PTPRO: variants seen among roughly 807,000 people sequenced by gnomAD.
The protein encoded by PTPRO is receptor-type tyrosine-protein phosphatase O.
Under a neutral mutation model 145.2 loss-of-function variants are expected in PTPRO, and 62 were observed. The ratio of observed to expected loss-of-function variants is 0.43; its 90% CI spans 0.35 to 0.53. The LOEUF (loss-of-function observed/expected upper bound fraction) is 0.53, where lower values mean the gene tolerates loss of function less well. Among genes scored for constraint, PTPRO ranks in the 20% least tolerant of loss-of-function variants. The pLI is 0.01. For synonymous variants in PTPRO, 565 were observed against 514.7 expected (o/e 1.10, Z -1.32); for missense variants, 1,345 against 1,482.7 (o/e 0.91, Z 1.53).
chr12:15,581,377 T>C (rs940408405), intron 22 of PTPRO, among the ~76,000 whole-genome samples: 8 of 145,412 alleles, frequency 5.5e-5, no homozygotes, highest in African/African-American at 2.0e-4. Flanking sequence ...CTCAGCTCAC[T>C]GCAAACCTCT....
At chr12:15,437,657 G>T (rs1436089493) in intron 1 of PTPRO, among the ~76,000 whole-genome samples, 18 of 152,028 alleles carry the variant, frequency 1.2e-4, no homozygotes, top group Non-Finnish European at 2.5e-4. Context: ...AGATATTGGT[G>T]CAGGAAGGCC....
At chr12:15,358,832 T>A (rs1938081701) in intron 1 of PTPRO, among the ~76,000 whole-genome samples, 1 of 152,244 alleles carries the variant, frequency 6.6e-6, no homozygotes, top group African/African-American at 2.4e-5. Context: ...CGAAAGTTTG[T>A]CACTGTCAGA....
At chr12:15,592,131 A>T (rs1944566829) in intron 25 of PTPRO, among the ~76,000 whole-genome samples, 2 of 149,810 alleles carry the variant, frequency 1.3e-5, no homozygotes, top group Admixed American at 6.6e-5. Flanking sequence ...ATTTACCTTT[A>T]TTTTTTCCTT....
At chr12:15,388,256 C>CA (rs966424620) in intron 1 of PTPRO, among the ~76,000 whole-genome samples, 27 of 148,946 alleles carry the variant, frequency 1.8e-4, no homozygotes, top group East Asian at 3.9e-4. Context: ...TAAATTTTAC[C>CA]AAAAAAAAAT....
At chr12:15,367,042 CAGAA>C (rs1303846503) in intron 1 of PTPRO, among the ~76,000 whole-genome samples, 1 of 152,088 alleles carries the variant, frequency 6.6e-6, no homozygotes, top group Non-Finnish European at 1.5e-5. Flanking sequence ...TTGCAGTAAA[CAGAA>C]GGAAGTTATG....
intron 1 of PTPRO, among the ~76,000 whole-genome samples, chr12:15,355,965 G>A (rs1324512327): frequency 1.3e-5 from 2 of 152,204 alleles, no homozygotes; most frequent in Non-Finnish European, 2.9e-5. Flanking sequence ...GCATAAATAT[G>A]ACTGTGTACT....
At chr12:15,339,348 G>A (rs913894806) in intron 1 of PTPRO, among the ~76,000 whole-genome samples, 2 of 152,096 alleles carry the variant, frequency 1.3e-5, no homozygotes, top group African/African-American at 4.8e-5. Flanking sequence ...TTGGAAATGA[G>A]GTTGAAAAGG....
At chr12:15,504,304 T>C (rs1447586746) in intron 6 of PTPRO, among the ~76,000 whole-genome samples, 1 of 152,202 alleles carries the variant, frequency 6.6e-6, no homozygotes, top group East Asian at 1.9e-4. Flanking sequence ...ACTATTGTGA[T>C]AATTGAACAT....
chr12:15,551,542 T>C lies in PTPRO; in HGVS notation c.2438-9T>C, dbSNP rs762384240. 1.9e-6 allele frequency: 3 copies of C among 1,612,864 alleles called. No homozygotes were observed. The highest frequency in any genetic ancestry group is 1.1e-5 in the South Asian group (1 of 91,076). On this transcript the variant is annotated splice_polypyrimidine_tract_variant and intron_variant, in intron 14 of 26. Coordinates refer to ENST00000281171, the MANE Select transcript of PTPRO (RefSeq NM_030667.3). ...ACCTATGATGAAAATGCACAACTTA[T>C]CTCTTTAGTTACAGAGATGAATCCC...
At chr12:15,538,259 G>A (rs926303306) in intron 12 of PTPRO, among the ~76,000 whole-genome samples, 3 of 150,396 alleles carry the variant, frequency 2.0e-5, no homozygotes, top group Admixed American at 2.0e-4. Context: ...TTGAGACAGA[G>A]TCTTACTCTG....
intron 7 of PTPRO, among the ~76,000 whole-genome samples, chr12:15,513,500 T>C (rs1399025434): frequency 6.6e-6 from 1 of 152,232 alleles, no homozygotes; most frequent in African/African-American, 2.4e-5. Flanking sequence ...AATTTTGGTA[T>C]ATGGCTCCTT....
intron 1 of PTPRO, among the ~76,000 whole-genome samples, chr12:15,335,882 T>C (rs1437289055): frequency 6.6e-6 from 1 of 152,170 alleles, no homozygotes; most frequent in Admixed American, 6.5e-5. Flanking sequence ...CTTTCTTTTC[T>C]GAAGGATAGT....
intron 8 of PTPRO, among the ~76,000 whole-genome samples, chr12:15,516,039 G>T (rs1942575956): frequency 8.1e-6 from 1 of 123,512 alleles, no homozygotes; most frequent in Non-Finnish European, 1.6e-5. Flanking sequence ...CACCCAGGTT[G>T]GAATGCAGTG....
rs189502420 is a variant in PTPRO at position 15,568,054 on chromosome 12, A to T, written c.2748-1363A>T. 1.6e-4 allele frequency among the ~76,000 whole-genome samples: 24 copies of T among 152,348 alleles called. No homozygotes were observed. The East Asian group carries it at 3.9e-3, about 24-fold the overall frequency. On this transcript the variant is annotated intron_variant, in intron 18 of 26. Coordinates refer to ENST00000281171, the MANE Select transcript of PTPRO (RefSeq NM_030667.3). ...CCCTCTAAAATTTACTAAAATGTTAACATAAATGAATTAATCAGATTAGCT... is the reference window on the plus strand; with the variant it reads ...CCCTCTAAAATTTACTAAAATGTTATCATAAATGAATTAATCAGATTAGCT...
chr12:15,458,176 C>A (rs1941222683), intron 1 of PTPRO, among the ~76,000 whole-genome samples: 1 of 152,090 alleles, frequency 6.6e-6, no homozygotes, highest in Non-Finnish European at 1.5e-5. Context: ...TTTAATATAT[C>A]ATCCTGCTCT....
intron 1 of PTPRO, among the ~76,000 whole-genome samples, chr12:15,389,184 A>T (rs1939118726): frequency 6.6e-6 from 1 of 151,288 alleles, no homozygotes; most frequent in Admixed American, 6.6e-5. Flanking sequence ...GCTCACTGCA[A>T]GCTCTGCCTC....
chr12:15,396,169 T>C (rs1184651992), intron 1 of PTPRO, among the ~76,000 whole-genome samples: 1 of 152,180 alleles, frequency 6.6e-6, no homozygotes, highest in African/African-American at 2.4e-5. Context: ...AATCTGAATA[T>C]ATGTGATGTG....
At chr12:15,492,806 G>A (rs1942026009) in intron 2 of PTPRO, among the ~76,000 whole-genome samples, 1 of 152,022 alleles carries the variant, frequency 6.6e-6, no homozygotes, top group Non-Finnish European at 1.5e-5. Flanking sequence ...AGCACAGTGA[G>A]GCAATTCACA....
At chr12:15,419,042 C>T (rs957113243) in intron 1 of PTPRO, among the ~76,000 whole-genome samples, 2 of 151,494 alleles carry the variant, frequency 1.3e-5, no homozygotes, top group Non-Finnish European at 2.9e-5. Context: ...ATATTAAATG[C>T]TAGATCAGTC....
Sources: allele counts gnomAD v4.1 joint callset (sites outside exome capture counted in the v4.1 genomes callset), GRCh38; gene constraint gnomAD v4.1.1; transcripts MANE v1.5; gene names NCBI Gene and HGNC (gene_info 2026-07-23, HGNC 2026-07-21).